The following SOS1 variants were observed in gnomAD, a reference collection of about 807,000 sequenced individuals.
SOS1 encodes the protein SOS Ras/Rac guanine nucleotide exchange factor 1.
A neutral mutation model predicts 157.6 loss-of-function variants in SOS1; 25 were observed. The observed-to-expected ratio is 0.16, with a 90% CI of 0.12 to 0.22. The LOEUF (loss-of-function observed/expected upper bound fraction) is 0.22, where lower values mean the gene tolerates loss of function less well. SOS1 is among the 10% of genes least tolerant of loss of function. The probability of loss-of-function intolerance (pLI) is 1.00; values close to 1 mark genes in which losing one functional copy is unlikely to be tolerated. For synonymous variants in SOS1, 528 were observed against 534.0 expected (o/e 0.99, Z 0.16); for missense variants, 1,237 against 1,599.1 (o/e 0.77, Z 3.86).
chr2:38,997,004 C>T lies in SOS1; in HGVS notation c.2999G>A (p.Ser1000Asn), dbSNP rs891035934. Reference sequence around the variant, plus strand: ...ATAATCTGTAAATTCCTTCTCCATGCTATTTCCCATCGGATTCAAGTTTTC... The same window carrying T: ...ATAATCTGTAAATTCCTTCTCCATGTTATTTCCCATCGGATTCAAGTTTTC... The part of the protein sequence containing the change: ...FFENLNPMGN[S>N]MEKEFTDYLF... Residue 1000 changes from serine to asparagine, a missense_variant, in exon 19 of 23, where the codon AGC becomes AAC. By Grantham distance (46) the Ser-to-Asn change is conservative. Transcript: ENST00000402219. The T allele has an allele frequency of 1.2e-5, 20 of 1,603,904 alleles. No individual in the cohort carries two copies. Among genetic ancestry groups the T allele is most frequent in the Middle Eastern group, 1.7e-4 (1 of 6,022 alleles).
At chr2:38,994,359 CTG>C (rs1223969983) in intron 20 of SOS1, among the ~76,000 whole-genome samples, 3 of 152,132 alleles carry the variant, frequency 2.0e-5, no homozygotes, top group African/African-American at 4.8e-5. Context: ...AGTGTGCAGT[CTG>C]TGAGATTTGT....
At chr2:39,052,351 A>G (rs921566798) in intron 5 of SOS1, among the ~76,000 whole-genome samples, 1 of 152,118 alleles carries the variant, frequency 6.6e-6, no homozygotes, top group Admixed American at 6.5e-5. Context: ...TCCTATTTTA[A>G]ATGTTCTTTT....
At position 38,986,057 on chromosome 2, in the gene SOS1, T is replaced by C. The variant is rs553805862; in HGVS notation, c.3769A>G (p.Thr1257Ala). The C allele has an allele frequency of 8.0e-5, 129 of 1,613,566 alleles. No individual in the cohort carries two copies. The highest frequency in any genetic ancestry group is 1.1e-4 in the Non-Finnish European group (126 of 1,179,840). Residue 1257 changes from threonine to alanine, a missense_variant, in exon 23 of 23, where the codon ACA (threonine) becomes GCA (alanine). Transcript: ENST00000402219. Reference sequence around the variant, plus strand: ...GAAGGTGTTTGAGGAGGAGGTGGTGTAAAGGGGGAAGGGCTGTTTGGGAAG... The same window carrying C: ...GAAGGTGTTTGAGGAGGAGGTGGTGCAAAGGGGGAAGGGCTGTTTGGGAAG... ...AFFPNSPSPFTPPPPQTPSPH... is the reference protein window; with the variant it reads ...AFFPNSPSPFAPPPPQTPSPH...
intron 20 of SOS1, chr2:38,992,157 G>A (rs952362584): frequency 1.3e-5 from 2 of 152,122 alleles, no homozygotes; most frequent in African/African-American, 4.8e-5. Flanking sequence ...GGAGGCTCTG[G>A]GTGATCCTCT....
intron 1 of SOS1, among the ~76,000 whole-genome samples, chr2:39,115,263 G>C (rs147232367): frequency 2.6e-5 from 4 of 152,118 alleles, no homozygotes; most frequent in Non-Finnish European, 5.9e-5. Context: ...AACAACCACT[G>C]ATCTGCACTA....
chr2:39,048,264 T>G (rs1024471664), intron 6 of SOS1, among the ~76,000 whole-genome samples: 2 of 152,354 alleles, frequency 1.3e-5, no homozygotes, highest in South Asian at 4.1e-4. Flanking sequence ...TGTAGTTGGG[T>G]AGAAAATCCT....
intron 20 of SOS1, chr2:38,993,725 T>TCTAA (rs1421038635): frequency 6.6e-6 from 1 of 152,200 alleles, no homozygotes; most frequent in African/African-American, 2.4e-5. Flanking sequence ...AACCAGAAAT[T>TCTAA]CTAACTTCGA....
intron 6 of SOS1, among the ~76,000 whole-genome samples, chr2:39,048,563 G>A (rs9646968): frequency 0.047 from 7,115 of 151,810 alleles, 615 homozygotes; most frequent in African/African-American, 0.16. Flanking sequence ...ACCATGCCTC[G>A]CTAATTTTTG....
chr2:39,058,423 C>G (rs894809082), intron 3 of SOS1, among the ~76,000 whole-genome samples: 1 of 151,822 alleles, frequency 6.6e-6, no homozygotes. Flanking sequence ...ACAAAATCCA[C>G]AATAACTTTC....
intron 1 of SOS1, among the ~76,000 whole-genome samples, chr2:39,115,581 AT>A (rs201500709): frequency 6.6e-6 from 1 of 151,484 alleles, no homozygotes; most frequent in Admixed American, 6.6e-5. Context: ...CACCTGGCTA[AT>A]TTTTTTAAAT....
intron 1 of SOS1, among the ~76,000 whole-genome samples, chr2:39,098,888 C>CA (rs200068308): frequency 8.7e-5 from 13 of 148,768 alleles, no homozygotes; most frequent in South Asian, 2.1e-4. Context: ...GACCACACCT[C>CA]AAAAAAAAAA....
chr2:39,003,701 GCATCCCCCCC>G (rs1392475194), intron 17 of SOS1, among the ~76,000 whole-genome samples: 1 of 152,020 alleles, frequency 6.6e-6, no homozygotes, highest in African/African-American at 2.4e-5. Flanking sequence ...ACATTTGGGG[GCATCCCCCCC>G]CACTCAAACT....
chr2:39,081,028 A>T (rs1009366540), intron 1 of SOS1, among the ~76,000 whole-genome samples: 3 of 152,054 alleles, frequency 2.0e-5, no homozygotes, highest in African/African-American at 7.2e-5. Flanking sequence ...TCTCCAAAAA[A>T]AAAATAATAA....
intron 17 of SOS1, among the ~76,000 whole-genome samples, chr2:39,004,192 G>C (rs1324883720): frequency 6.6e-6 from 1 of 152,098 alleles, no homozygotes; most frequent in African/African-American, 2.4e-5. Context: ...AAGGTGGGCG[G>C]ATCATGAAGT....
intron 1 of SOS1, among the ~76,000 whole-genome samples, chr2:39,112,162 C>T (rs1235778235): frequency 6.6e-6 from 1 of 151,858 alleles, no homozygotes; most frequent in Non-Finnish European, 1.5e-5. Flanking sequence ...CTCTCTATCA[C>T]TTGAAATATC....
intron 20 of SOS1, among the ~76,000 whole-genome samples, chr2:38,989,767 T>G (rs899363547): frequency 3.3e-5 from 5 of 152,110 alleles, no homozygotes; most frequent in Non-Finnish European, 2.9e-5. Context: ...GGGGCATATA[T>G]TCTCATCACA....
chr2:39,085,558 T>C (rs1473810492), intron 1 of SOS1, among the ~76,000 whole-genome samples: 2 of 152,224 alleles, frequency 1.3e-5, no homozygotes, highest in Non-Finnish European at 2.9e-5. Context: ...TAGTTTTTAG[T>C]AAACCAAAGC....
chr2:39,033,624 C>T (rs934716361), intron 8 of SOS1, among the ~76,000 whole-genome samples: 5 of 152,274 alleles, frequency 3.3e-5, no homozygotes, highest in Non-Finnish European at 5.9e-5. Context: ...CAGCCTCGAC[C>T]TCCTGAGCTC....
intron 1 of SOS1, among the ~76,000 whole-genome samples, chr2:39,084,207 C>A (rs1053137514): frequency 2.0e-5 from 3 of 152,026 alleles, no homozygotes; most frequent in African/African-American, 7.2e-5. Context: ...TATTATGGCA[C>A]CCCTAGCAAA....
Sources: allele counts gnomAD v4.1 joint callset (sites outside exome capture counted in the v4.1 genomes callset), GRCh38; gene constraint gnomAD v4.1.1; transcripts MANE v1.5; gene names NCBI Gene and HGNC (gene_info 2026-07-23, HGNC 2026-07-21).